The following TBC1D1 variants were observed in gnomAD, a reference collection of about 807,000 sequenced individuals.
TBC1D1 encodes the protein TBC1 (tre-2/USP6, BUB2, cdc16) domain family, member 1.
TBC1D1 carries 89 observed loss-of-function variants against 125.6 expected under a neutral mutation model. The ratio of observed to expected loss-of-function variants is 0.71; its 90% CI spans 0.60 to 0.85. TBC1D1 has a LOEUF of 0.85. Among genes scored for constraint, TBC1D1 ranks in the 40% least tolerant of loss-of-function variants. The pLI, the probability that TBC1D1 is intolerant of heterozygous loss-of-function variation, is 0.00. For missense variants in TBC1D1, 1,377 were observed against 1,469.2 expected (o/e 0.94, Z 1.03); for synonymous variants, 565 against 564.1 (o/e 1.00, Z -0.02).
intron 8 of TBC1D1, among the ~76,000 whole-genome samples, chr4:38,042,830 A>G (rs1474715021): frequency 1.3e-5 from 2 of 152,186 alleles, no homozygotes; most frequent in Non-Finnish European, 2.9e-5. Flanking sequence ...ATTAGTCTCT[A>G]CACTTTTCTG....
At chr4:37,894,070 C>T (rs532432923) in intron 1 of TBC1D1, among the ~76,000 whole-genome samples, 2 of 151,384 alleles carry the variant, frequency 1.3e-5, no homozygotes, top group East Asian at 2.0e-4. Flanking sequence ...CTCACTGCAA[C>T]CTCCGCCTCC....
chr4:38,121,577 A>G (rs1763858305), intron 17 of TBC1D1, among the ~76,000 whole-genome samples: 1 of 152,210 alleles, frequency 6.6e-6, no homozygotes. Flanking sequence ...CGTGGGCTAC[A>G]GTGTAGTGAG....
At chr4:37,966,776 C>G (rs2381132) in intron 2 of TBC1D1, among the ~76,000 whole-genome samples, 28,158 of 152,142 alleles carry the variant, frequency 0.19, 3,026 homozygotes, top group East Asian at 0.33. Context: ...CCCCTACCCC[C>G]CAACAGGCCC....
At chr4:38,065,236 C>T (rs1224424796) in intron 12 of TBC1D1, among the ~76,000 whole-genome samples, 1 of 152,210 alleles carries the variant, frequency 6.6e-6, no homozygotes, top group African/African-American at 2.4e-5. Context: ...GTGTGAGCCA[C>T]TGCACCCACC....
At chr4:38,117,649 A>T (rs1763189714) in intron 16 of TBC1D1, among the ~76,000 whole-genome samples, 1 of 152,234 alleles carries the variant, frequency 6.6e-6, no homozygotes, top group Admixed American at 6.5e-5. Flanking sequence ...GTCTTAGTAA[A>T]GAGACTGGCT....
At position 37,901,111 on chromosome 4, in the gene TBC1D1, G is replaced by A. The variant is rs182051179; in HGVS notation, c.-93-892G>A. Among the ~76,000 whole-genome samples, 360 of 151,500 alleles carry A rather than the reference G, an allele frequency of 2.4e-3. 2 individuals are homozygous for A. The highest frequency in any genetic ancestry group is 8.5e-3 in the African/African-American group (351 of 41,292). On this transcript the variant is annotated intron_variant, in intron 1 of 19. Coordinates refer to ENST00000261439, the MANE Select transcript of TBC1D1 (RefSeq NM_015173.4). ...GAAGAAAGAACATAGACAGGGAAATGTAGTTAAGGGAGTTTGGGTTTGGGT... is the reference window on the plus strand; with the variant it reads ...GAAGAAAGAACATAGACAGGGAAATATAGTTAAGGGAGTTTGGGTTTGGGT...
At chr4:37,956,449 G>A (rs76161971) in intron 2 of TBC1D1, among the ~76,000 whole-genome samples, 2,090 of 152,326 alleles carry the variant, frequency 0.014, 47 homozygotes, top group African/African-American at 0.049. Flanking sequence ...TGTTGCCACA[G>A]ACTAGACAGT....
At chr4:38,119,923 G>T (rs1039557728) in intron 17 of TBC1D1, 1 of 985,252 alleles carries the variant, frequency 1.0e-6, no homozygotes, top group African/African-American at 1.7e-5. Flanking sequence ...CACTGGAGCT[G>T]CTGCTTGCAG....
intron 2 of TBC1D1, among the ~76,000 whole-genome samples, chr4:37,926,291 C>A (rs1274237402): frequency 6.7e-6 from 1 of 149,904 alleles, no homozygotes; most frequent in African/African-American, 2.4e-5. Context: ...CCTGCCGTCA[C>A]TTTAGGTCAG....
chr4:38,052,722 G>GTA (rs1560698552), intron 11 of TBC1D1, among the ~76,000 whole-genome samples: 2 of 59,368 alleles, frequency 3.4e-5, no homozygotes, highest in African/African-American at 1.3e-4. Flanking sequence ...ACGCGCGCGC[G>GTA]CGCGCGCACA....
At chr4:37,957,778 A>G (rs1729210663) in intron 2 of TBC1D1, among the ~76,000 whole-genome samples, 1 of 152,210 alleles carries the variant, frequency 6.6e-6, no homozygotes, top group Non-Finnish European at 1.5e-5. Context: ...TTACTTTTTA[A>G]AAGGTCAATT....
Position 38,137,361 on chromosome 4 carries a change from C to G in TBC1D1, c.*26C>G. Reference sequence around the variant, plus strand: ...CAGCTCTGCAGGAGAGATTGCAACACCATCCCACACTGTCCAGGCCTTAAC... The same window carrying G: ...CAGCTCTGCAGGAGAGATTGCAACAGCATCCCACACTGTCCAGGCCTTAAC... On this transcript the variant is annotated 3_prime_UTR_variant, in exon 20 of 20. Transcript: ENST00000261439. 1 of 1,601,578 alleles carries G rather than the reference C, an allele frequency of 6.2e-7. No individual in the cohort carries two copies. Among genetic ancestry groups the G allele is most frequent in the Non-Finnish European group, 8.5e-7 (1 of 1,176,510 alleles).
intron 11 of TBC1D1, chr4:38,051,920 T>G: frequency 6.5e-7 from 1 of 1,550,000 alleles, no homozygotes; most frequent in Non-Finnish European, 8.7e-7. Flanking sequence ...CACCTGTGGG[T>G]GAGTCTAAGC....
At chr4:38,078,854 G>A (rs753480944) in intron 12 of TBC1D1, among the ~76,000 whole-genome samples, 3 of 152,184 alleles carry the variant, frequency 2.0e-5, no homozygotes, top group African/African-American at 4.8e-5. Context: ...AGAGCTTCAC[G>A]GGGTATAGTT....
At chr4:38,052,167 CTGTGTGTGTGTGTGTGTG>C in intron 11 of TBC1D1, 107 bp downstream of exon 12, 2 of 735,808 alleles carry the variant, frequency 2.7e-6, no homozygotes, top group Middle Eastern at 5.0e-4. Flanking sequence ...AGCAGAGCCA[CTGTGTGTGTGTGTGTGTG>C]TGTGTGTGTG....
chr4:37,929,334 A>G (rs1203508083), intron 2 of TBC1D1, among the ~76,000 whole-genome samples: 1 of 152,244 alleles, frequency 6.6e-6, no homozygotes, highest in Non-Finnish European at 1.5e-5. Flanking sequence ...ACACAATGAT[A>G]AGATCATAAT....
intron 18 of TBC1D1, among the ~76,000 whole-genome samples, chr4:38,130,494 A>G (rs1046830652): frequency 1.3e-5 from 2 of 152,214 alleles, no homozygotes; most frequent in Non-Finnish European, 2.9e-5. Flanking sequence ...CTGGAACTTG[A>G]CTGAAAACTA....
chr4:37,993,046 C>T (rs1288587490), intron 2 of TBC1D1, among the ~76,000 whole-genome samples: 2 of 151,788 alleles, frequency 1.3e-5, no homozygotes, highest in Non-Finnish European at 2.9e-5. Flanking sequence ...TCAGGTGATC[C>T]GCCTGCCTCA....
At chr4:38,076,797 G>A (rs1236869229) in intron 12 of TBC1D1, among the ~76,000 whole-genome samples, 2 of 151,132 alleles carry the variant, frequency 1.3e-5, no homozygotes, top group Admixed American at 6.6e-5. Flanking sequence ...TTTTTCAGGA[G>A]GAAAAAAAAC....
Sources: gnomAD v4.1 joint callset for allele counts (sites outside exome capture counted in the v4.1 genomes callset) on GRCh38, gnomAD v4.1.1 for gene constraint, MANE v1.5 for transcripts, NCBI Gene and HGNC (gene_info 2026-07-23, HGNC 2026-07-21) for gene names.